Variants in COL6A5 observed in about 807,000 individuals in gnomAD.
COL6A5 encodes the protein collagen type VI alpha 5 chain, also known as collagen alpha-5(VI) chain.
Under a neutral mutation model 65.6 loss-of-function variants are expected in COL6A5, and 48 were observed. That is an observed-to-expected ratio of 0.73 (90% CI 0.58 to 0.93). The LOEUF (loss-of-function observed/expected upper bound fraction) is 0.93. Ranked by LOEUF, COL6A5 falls within the 40% of genes least tolerant of loss-of-function variation. COL6A5 has a pLI of 0.00. For missense variants in COL6A5, 914 were observed against 928.3 expected, an observed-to-expected ratio of 0.98 and a Z score of 0.20; for synonymous variants, 291 against 322.8, an observed-to-expected ratio of 0.90 and a Z score of 1.05.
chr3:130,358,389 A>G (rs1934997589), intron 1 of COL6A5, among the ~76,000 whole-genome samples: 1 of 152,198 alleles, frequency 6.6e-6, no homozygotes, highest in South Asian at 2.1e-4. Flanking sequence ...AAGAAAGTTC[A>G]GCAAAGTGGT....
At position 130,395,298 on chromosome 3, in the gene COL6A5, G is replaced by A. The variant is rs773429201; in HGVS notation, c.3401G>A (p.Gly1134Glu). 2.1e-5 allele frequency: 33 copies of A among 1,551,388 alleles called. No homozygotes were observed. The Middle Eastern group carries it at 5.0e-4, about 23-fold the overall frequency. Residue 1134 changes from glycine to glutamate, a missense_variant and NMD_transcript_variant, in exon 8 of 42, where the codon GGA (glycine) becomes GAA (glutamate). Coordinates refer to the COL6A5 transcript ENST00000312481. ...GCAGTAAAAACCCTGAAGGACCTTG[G>A]AATTTGTGTCCTGGTTTTGGGCATA...
At chr3:130,393,329 CTTTG>C (rs1224086825) in intron 7 of COL6A5, among the ~76,000 whole-genome samples, 1 of 152,142 alleles carries the variant, frequency 6.6e-6, no homozygotes, top group African/African-American at 2.4e-5. Context: ...AAATTTCAGT[CTTTG>C]TTTGCTAGTT....
At chr3:130,409,296 T>C in intron 17 of COL6A5, 30 bp from the exon 18 acceptor site, 2 of 1,525,300 alleles carry the variant, frequency 1.3e-6, no homozygotes, top group Non-Finnish European at 1.8e-6. Context: ...TCCTACAAGC[T>C]AACTCAGAAA....
intron 5 of COL6A5, among the ~76,000 whole-genome samples, chr3:130,458,683 C>T (rs574315921): frequency 6.6e-6 from 1 of 152,226 alleles, no homozygotes; most frequent in East Asian, 1.9e-4. Context: ...ATTTGTGTTG[C>T]TAAAGAGTTC....
chr3:130,461,684 T>C (rs970870576), intron 5 of COL6A5, among the ~76,000 whole-genome samples: 3 of 152,022 alleles, frequency 2.0e-5, no homozygotes, highest in Non-Finnish European at 4.4e-5. Context: ...AACTAAATCA[T>C]GTAAAATCAT....
rs140948296 is a variant in COL6A5, at chr3:130,418,390, C to T, written c.4888-479C>T. Among the ~76,000 whole-genome samples the T allele has an allele frequency of 4.1e-3, 624 of 152,154 alleles. 3 individuals carry two copies. The highest frequency in any genetic ancestry group is 0.014 in the African/African-American group (586 of 41,506). On this transcript the variant is annotated intron_variant and NMD_transcript_variant, in intron 24 of 41. Coordinates refer to the COL6A5 transcript ENST00000312481. The stretch of plus-strand genomic sequence containing the variant: ...CTCAGCTTCCCTGCTCCTTTCCTTT[C>T]GGCAGCCTCCTCAGGCTCACCAAAT...
chr3:130,479,347 C>T (rs1459724504), intron 7 of COL6A5, among the ~76,000 whole-genome samples: 2 of 152,018 alleles, frequency 1.3e-5, no homozygotes, highest in Admixed American at 6.6e-5. Flanking sequence ...GTTTATAAGC[C>T]ACCCAGTTTA....
chr3:130,370,041 G>T (rs1011217936), intron 1 of COL6A5, among the ~76,000 whole-genome samples: 1 of 152,076 alleles, frequency 6.6e-6, no homozygotes, highest in African/African-American at 2.4e-5. Context: ...CTAGTTTGGG[G>T]TATATCTCCT....
intron 1 of COL6A5, among the ~76,000 whole-genome samples, chr3:130,355,497 TA>T (rs1934890679): frequency 6.6e-6 from 1 of 152,104 alleles, no homozygotes; most frequent in Non-Finnish European, 1.5e-5. Flanking sequence ...TAAAACATTT[TA>T]TTTACAAATT....
At chr3:130,433,429 A>G (rs902228045) in intron 1 of COL6A5, among the ~76,000 whole-genome samples, 1 of 152,200 alleles carries the variant, frequency 6.6e-6, no homozygotes, top group Admixed American at 6.5e-5. Flanking sequence ...TCATATCTAC[A>G]GAGAAGGTGA....
chr3:130,447,037 T>A (rs998895078), intron 4 of COL6A5, among the ~76,000 whole-genome samples: 4 of 152,154 alleles, frequency 2.6e-5, no homozygotes, highest in Non-Finnish European at 4.4e-5. Flanking sequence ...CACCACAGCC[T>A]GTCCCTGAGG....
intron 1 of COL6A5, among the ~76,000 whole-genome samples, chr3:130,358,687 T>G (rs1045253572): frequency 6.6e-6 from 1 of 152,142 alleles, no homozygotes; most frequent in African/African-American, 2.4e-5. Context: ...CAAAAGTATG[T>G]TGTGAGAGTG....
chr3:130,429,950 C>T (rs897855896), upstream of COL6A5, among the ~76,000 whole-genome samples: 1 of 152,182 alleles, frequency 6.6e-6, no homozygotes, highest in Non-Finnish European at 1.5e-5. Flanking sequence ...GCCCTTTCCT[C>T]CCTCTGGCCC....
chr3:130,441,782 A>G (rs1325571296), intron 3 of COL6A5, among the ~76,000 whole-genome samples: 1 of 152,192 alleles, frequency 6.6e-6, no homozygotes, highest in African/African-American at 2.4e-5. Flanking sequence ...TTCACAGGAC[A>G]GACCCCCCAC....
At chr3:130,401,938 G>C (rs966410808) in intron 12 of COL6A5, 84 bp downstream of exon 12, 9 of 968,712 alleles carry the variant, frequency 9.3e-6, no homozygotes, top group East Asian at 5.3e-5. Flanking sequence ...TGAATTTACA[G>C]CCTTCACTCT....
intron 7 of COL6A5, among the ~76,000 whole-genome samples, chr3:130,479,236 C>T (rs973494120): frequency 1.3e-5 from 2 of 150,560 alleles, no homozygotes; most frequent in African/African-American, 4.9e-5. Context: ...AAAGGCACCA[C>T]GTTTGAACCA....
chr3:130,429,002 C>A (rs570552606), upstream of COL6A5, among the ~76,000 whole-genome samples: 1 of 152,284 alleles, frequency 6.6e-6, no homozygotes, highest in African/African-American at 2.4e-5. Flanking sequence ...TTGAGGGAAC[C>A]AGATGCTGTT....
chr3:130,468,624 G>A (rs1251290322), intron 5 of COL6A5, among the ~76,000 whole-genome samples, 171 bp from the exon 38 acceptor site: 1 of 151,960 alleles, frequency 6.6e-6, no homozygotes, highest in Non-Finnish European at 1.5e-5. Context: ...CGCTATGTGG[G>A]TACAGATTTG....
At chr3:130,474,455 A>C (rs1377177157) in intron 7 of COL6A5, among the ~76,000 whole-genome samples, 1 of 152,128 alleles carries the variant, frequency 6.6e-6, no homozygotes, top group Non-Finnish European at 1.5e-5. Flanking sequence ...CAATTCTCAA[A>C]GAAAAAGACA....
Sources: gnomAD v4.1 joint callset for allele counts (sites outside exome capture counted in the v4.1 genomes callset) on GRCh38, gnomAD v4.1.1 for gene constraint, MANE v1.5 for transcripts, NCBI Gene and HGNC (gene_info 2026-07-23, HGNC 2026-07-21) for gene names.